Variants in ADCY10 observed in about 807,000 individuals in gnomAD.
ADCY10 encodes the protein adenylate cyclase type 10.
ADCY10 carries 156 observed loss-of-function variants against 183.3 expected under a neutral mutation model. The observed-to-expected ratio is 0.85, with a 90% confidence interval of 0.75 to 0.97. The LOEUF (loss-of-function observed/expected upper bound fraction) is 0.97, where lower values mean the gene tolerates loss of function less well. ADCY10 is among the 50% of genes least tolerant of loss of function. The pLI, the probability that ADCY10 is intolerant of heterozygous loss-of-function variation, is 0.00. For missense variants in ADCY10, 1,745 were observed against 1,934.3 expected (o/e 0.90, Z 1.84); for synonymous variants, 645 against 670.0 (o/e 0.96, Z 0.58).
intron 26 of ADCY10, among the ~76,000 whole-genome samples, chr1:167,825,835 G>T (rs563359048): frequency 6.6e-6 from 1 of 152,162 alleles, no homozygotes; most frequent in African/African-American, 2.4e-5. Flanking sequence ...AAGAGAAACT[G>T]GTTACTCTAA....
At chr1:167,863,678 C>T (rs1314335805) in intron 14 of ADCY10, among the ~76,000 whole-genome samples, 3 of 152,242 alleles carry the variant, frequency 2.0e-5, no homozygotes, top group Admixed American at 2.0e-4. Flanking sequence ...GGGACTCCAA[C>T]CAGCCAGAGT....
At chr1:167,859,707 AG>A in intron 16 of ADCY10, 99 bp downstream of exon 16, 1 of 876,660 alleles carries the variant, frequency 1.1e-6, no homozygotes, top group South Asian at 1.3e-5. Context: ...ATCCTTCAAA[AG>A]CCTCTTGCCA....
At chr1:167,896,867 T>C (rs1476488863) in intron 6 of ADCY10, among the ~76,000 whole-genome samples, 176 bp from the exon 7 acceptor site, 2 of 152,214 alleles carry the variant, frequency 1.3e-5, no homozygotes, top group Non-Finnish European at 2.9e-5. Flanking sequence ...CTAAAAAATC[T>C]TTCCAATTAC....
At chr1:167,822,963 G>A in intron 29 of ADCY10, 45 bp downstream of exon 29, 1 of 1,535,464 alleles carries the variant, frequency 6.5e-7, no homozygotes, top group Non-Finnish European at 9.0e-7. Context: ...ACCAGCACAG[G>A]TATCAACACC....
At chr1:167,839,002 C>A (rs1326685714) in intron 21 of ADCY10, among the ~76,000 whole-genome samples, 1 of 152,228 alleles carries the variant, frequency 6.6e-6, no homozygotes, top group Non-Finnish European at 1.5e-5. Context: ...TATCTGAATT[C>A]ATCGTCTTCT....
intron 25 of ADCY10, among the ~76,000 whole-genome samples, chr1:167,831,863 T>A (rs1215066392): frequency 2.0e-5 from 3 of 152,216 alleles, no homozygotes; most frequent in Non-Finnish European, 4.4e-5. Flanking sequence ...AATTGAGGCA[T>A]CCTGCAACCC....
In ADCY10 at chr1:167,829,520, G is replaced by C. The variant is rs559848555; in HGVS notation, c.3594-97C>G. 372 of 1,440,420 alleles carry C rather than the reference G, an allele frequency of 2.6e-4. 3 individuals carry two copies. In the South Asian group the frequency reaches 4.1e-3, roughly 16 times the overall value. 89.2% of individuals were successfully genotyped at this position (1,440,420 alleles called of 1,614,324 possible). On this transcript the variant is annotated intron_variant, in intron 25 of 32. Transcript: ENST00000367851. ...ACATGGTGTCCTCACTATGGGCCTGGGAATCAAAACTGACTTGAATTTGAG... is the reference window on the plus strand; with the variant it reads ...ACATGGTGTCCTCACTATGGGCCTGCGAATCAAAACTGACTTGAATTTGAG...
chr1:167,838,241 A>G (rs755260126), intron 21 of ADCY10, among the ~76,000 whole-genome samples: 4 of 152,200 alleles, frequency 2.6e-5, no homozygotes, highest in East Asian at 3.8e-4. Context: ...GACCTGTATC[A>G]TAGTCCTTAT....
chr1:167,833,637 T>G (rs1249381345), intron 24 of ADCY10, among the ~76,000 whole-genome samples: 1 of 151,664 alleles, frequency 6.6e-6, no homozygotes, highest in Non-Finnish European at 1.5e-5. Flanking sequence ...CCCAGCTACT[T>G]TGGAGGCTGA....
At chr1:167,831,187 ATCTC>A (rs781260226) in intron 25 of ADCY10, among the ~76,000 whole-genome samples, 8 of 149,644 alleles carry the variant, frequency 5.3e-5, no homozygotes, top group Admixed American at 2.0e-4. Context: ...ACAGGGTAAA[ATCTC>A]TCTCTCTTTT....
chr1:167,849,060 A>T (rs1466186449), intron 18 of ADCY10, among the ~76,000 whole-genome samples: 1 of 151,798 alleles, frequency 6.6e-6, no homozygotes, highest in African/African-American at 2.4e-5. Context: ...GATGTCTTCC[A>T]TAGGATATAA....
At chr1:167,810,023 T>A (rs1662105921) in intron 32 of ADCY10, among the ~76,000 whole-genome samples, 184 bp from the exon 33 acceptor site, 1 of 152,194 alleles carries the variant, frequency 6.6e-6, no homozygotes, top group African/African-American at 2.4e-5. Context: ...ACACATATAC[T>A]CATACATTCA....
At chr1:167,819,008 G>A (rs1662703554) in intron 30 of ADCY10, among the ~76,000 whole-genome samples, 1 of 152,246 alleles carries the variant, frequency 6.6e-6, no homozygotes, top group Non-Finnish European at 1.5e-5. Context: ...CATTAATGCA[G>A]GTTCTCTGGT....
rs2101876629 is a variant in ADCY10 at position 167,826,241 on chromosome 1, T to G, written c.3751-1386A>C. The stretch of plus-strand genomic sequence containing the variant: ...AAATGGTGGTGGGGGAAGAGAGAAG[T>G]GTTGGGCACGAGAAATCCAAGGCTG... On this transcript the variant is annotated intron_variant, in intron 26 of 32. Coordinates refer to ENST00000367851, the MANE Select transcript of ADCY10 (RefSeq NM_018417.6). Among the ~76,000 whole-genome samples the G allele has an allele frequency of 1.3e-5, 2 of 152,268 alleles. 1 individual carries two copies. The highest frequency in any genetic ancestry group is 4.1e-4 in the South Asian group (2 of 4,820).
At position 167,883,329 on chromosome 1, in the gene ADCY10, C is replaced by T. The variant is rs142735604; in HGVS notation, c.1020+108G>A. 2,925 of 1,295,204 alleles carry T rather than the reference C, an allele frequency of 2.3e-3. 61 individuals carry two copies. The East Asian group carries it at 0.028, about 12-fold the overall frequency. 80.2% of individuals were successfully genotyped at this position (1,295,204 alleles called of 1,614,324 possible). A position where few individuals can be genotyped will look rare whatever the true frequency, so the allele number is the denominator to read the frequency against. Reference sequence around the variant, plus strand: ...CTGGGATTACAGGCGTGAGCCACCACGCCCAGCCTCTAGGTTAAATTTCCT... The same window carrying T: ...CTGGGATTACAGGCGTGAGCCACCATGCCCAGCCTCTAGGTTAAATTTCCT... On this transcript the variant is annotated intron_variant, in intron 9 of 32. Transcript: ENST00000367851.
In ADCY10 at chr1:167,845,772, A is replaced by G; in HGVS notation, c.2798T>C (p.Met933Thr). Residue 933 changes from methionine (M) to threonine (T), a missense_variant, in exon 21 of 33, where the codon ATG becomes ACG. By Grantham distance (81) the Met-to-Thr change is moderately conservative (BLOSUM62 -1). Transcript: ENST00000367851. ...CCACAGCTCGTAGGCTGTTTTCTGC[A>G]TCATAGGGTTACAGAATCGAATCCT... is the stretch of plus-strand genomic sequence containing the variant. The part of the protein sequence containing the change: ...CHRIRFCNPM[M>T]QKTAYELWLK... 6.2e-7 allele frequency: 1 copy of G among 1,614,190 alleles called. No individual in the cohort carries two copies. Among genetic ancestry groups the G allele is most frequent in the Non-Finnish European group, 8.5e-7 (1 of 1,180,036 alleles).
intron 15 of ADCY10, among the ~76,000 whole-genome samples, chr1:167,860,351 T>G (rs984922660): frequency 5.3e-5 from 8 of 152,126 alleles, no homozygotes; most frequent in African/African-American, 1.9e-4. Context: ...CAGGCTCCTA[T>G]GAGAATCTAA....
At chr1:167,811,038 T>C in intron 31 of ADCY10, 125 bp from the exon 32 acceptor site, 1 of 865,676 alleles carries the variant, frequency 1.2e-6, no homozygotes, top group Non-Finnish European at 1.9e-6. Context: ...GAAAATACAT[T>C]ATAGAGACAT....
chr1:167,846,430 T>C (rs1161122160), intron 19 of ADCY10, among the ~76,000 whole-genome samples, 167 bp from the exon 20 acceptor site: 4 of 152,364 alleles, frequency 2.6e-5, no homozygotes, highest in Admixed American at 2.6e-4. Context: ...AATTTGTGGA[T>C]AGCACTTGTG....
Sources: gnomAD v4.1 joint callset for allele counts (sites outside exome capture counted in the v4.1 genomes callset) on GRCh38, gnomAD v4.1.1 for gene constraint, MANE v1.5 for transcripts, NCBI Gene and HGNC (gene_info 2026-07-23, HGNC 2026-07-21) for gene names.